PPM1L: variants seen among roughly 807,000 people sequenced by gnomAD.
PPM1L encodes protein phosphatase 1L.
A neutral mutation model predicts 31.4 loss-of-function variants in PPM1L; 13 were observed. That is an observed-to-expected ratio of 0.41 (90% CI 0.27 to 0.66). PPM1L has a LOEUF of 0.66. Ranked by LOEUF, PPM1L falls within the 30% of genes least tolerant of loss-of-function variation. PPM1L has a pLI of 0.29. For missense variants in PPM1L, 326 were observed against 453.7 expected (o/e 0.72, Z 2.56); for synonymous variants, 184 against 175.4 (o/e 1.05, Z -0.39).
intron 1 of PPM1L, among the ~76,000 whole-genome samples, chr3:160,822,953 CAT>C (rs1713246230): frequency 6.6e-6 from 1 of 151,666 alleles, no homozygotes; most frequent in Non-Finnish European, 1.5e-5. Context: ...AAGGGGAAAA[CAT>C]ATAAACAAAA....
At chr3:160,905,036 A>C (rs1185069342) in intron 1 of PPM1L, among the ~76,000 whole-genome samples, 1 of 152,196 alleles carries the variant, frequency 6.6e-6, no homozygotes, top group East Asian at 1.9e-4. Context: ...CAGAAAAATA[A>C]AGATCTGCTC....
At chr3:160,972,960 G>A (rs1716403828) in intron 2 of PPM1L, among the ~76,000 whole-genome samples, 1 of 152,124 alleles carries the variant, frequency 6.6e-6, no homozygotes, top group African/African-American at 2.4e-5. Context: ...GTGATGATGA[G>A]CATTTTTTCA....
chr3:160,767,836 T>G (rs1715144760), intron 1 of PPM1L, among the ~76,000 whole-genome samples: 1 of 152,210 alleles, frequency 6.6e-6, no homozygotes, highest in Non-Finnish European at 1.5e-5. Flanking sequence ...GGGCAGAAAC[T>G]GTTTTATTCT....
At chr3:160,835,116 T>G (rs1253472865) in intron 1 of PPM1L, among the ~76,000 whole-genome samples, 1 of 149,554 alleles carries the variant, frequency 6.7e-6, no homozygotes, top group Non-Finnish European at 1.5e-5. Context: ...TCTTCCTTCT[T>G]CTTTCTTCTT....
chr3:160,800,016 A>G (rs2108077506), intron 1 of PPM1L, among the ~76,000 whole-genome samples: 1 of 152,306 alleles, frequency 6.6e-6, no homozygotes, highest in Non-Finnish European at 1.5e-5. Context: ...TTGGTAGTCA[A>G]TAAACATTTG....
intron 1 of PPM1L, among the ~76,000 whole-genome samples, chr3:160,829,269 T>G (rs751306776): frequency 8.5e-5 from 13 of 152,066 alleles, no homozygotes; most frequent in Non-Finnish European, 1.3e-4. Context: ...TATGTCTGTT[T>G]CTGTGGTATA....
At chr3:160,780,040 A>G (rs546323164) in intron 1 of PPM1L, among the ~76,000 whole-genome samples, 284 of 148,408 alleles carry the variant, frequency 1.9e-3, no homozygotes, top group African/African-American at 6.4e-3. Flanking sequence ...TTTTTTTTTG[A>G]TACTGGGTCT....
chr3:161,038,595 A>C (rs995103748), intron 2 of PPM1L, among the ~76,000 whole-genome samples: 1 of 111,700 alleles, frequency 9.0e-6, no homozygotes, highest in Non-Finnish European at 1.7e-5. Flanking sequence ...TAAAAAAAAA[A>C]AAAAAAAAAA....
intron 1 of PPM1L, among the ~76,000 whole-genome samples, chr3:160,942,271 T>G (rs1395225661): frequency 6.6e-6 from 1 of 152,190 alleles, no homozygotes; most frequent in Admixed American, 6.5e-5. Flanking sequence ...CTTATTTTTA[T>G]TTTGTAGAGA....
intron 1 of PPM1L, among the ~76,000 whole-genome samples, chr3:160,810,912 A>G (rs1269055495): frequency 1.3e-5 from 2 of 152,206 alleles, no homozygotes; most frequent in Non-Finnish European, 2.9e-5. Flanking sequence ...TACAAGTGTC[A>G]TAAAATGAAC....
intron 1 of PPM1L, among the ~76,000 whole-genome samples, chr3:160,799,930 A>T (rs965011725): frequency 6.6e-6 from 1 of 152,276 alleles, no homozygotes; most frequent in East Asian, 1.9e-4. Context: ...CCTCCCTAGT[A>T]TGTAAGTCTC....
At chr3:160,857,764 C>T (rs150570824) in intron 1 of PPM1L, among the ~76,000 whole-genome samples, 10 of 152,270 alleles carry the variant, frequency 6.6e-5, no homozygotes, top group East Asian at 3.9e-4. Context: ...GCTATTGTAG[C>T]GGTAAGACAA....
In PPM1L at chr3:160,959,935, AT is replaced by A. The variant is rs1345866792; in HGVS notation, c.400-1800del. Among the ~76,000 whole-genome samples, 3 of 152,138 alleles carry A rather than the reference AT, an allele frequency of 2.0e-5. No homozygotes were observed. In the East Asian group the frequency reaches 5.8e-4, roughly 29 times the overall value. ...TGATAATGCTAAATACACTATATAT[AT>A]ATGTGTTGCTTAATTATGCTCATAT... is the stretch of plus-strand genomic sequence containing the variant. On this transcript the variant is annotated intron_variant, in intron 1 of 3. Coordinates refer to ENST00000498165, the MANE Select transcript of PPM1L (RefSeq NM_139245.4).
chr3:160,971,919 A>T (rs981945963), intron 2 of PPM1L, among the ~76,000 whole-genome samples: 2 of 152,032 alleles, frequency 1.3e-5, no homozygotes, highest in African/African-American at 4.8e-5. Context: ...TTACACCACC[A>T]TGGCTAATTG....
At chr3:160,801,684 GT>G (rs1296987768) in intron 1 of PPM1L, among the ~76,000 whole-genome samples, 1 of 152,120 alleles carries the variant, frequency 6.6e-6, no homozygotes, top group Non-Finnish European at 1.5e-5. Context: ...GACTTCTGCA[GT>G]TTTTTGTTTT....
At chr3:160,789,425 A>T (rs1244011299) in intron 1 of PPM1L, among the ~76,000 whole-genome samples, 7 of 151,656 alleles carry the variant, frequency 4.6e-5, no homozygotes, top group African/African-American at 1.7e-4. Flanking sequence ...TATCTCTCTT[A>T]TTATTTCTTT....
At chr3:160,993,250 A>T (rs2108045446) in intron 2 of PPM1L, among the ~76,000 whole-genome samples, 1 of 152,280 alleles carries the variant, frequency 6.6e-6, no homozygotes, top group East Asian at 1.9e-4. Flanking sequence ...TCTGCAGGGT[A>T]TGGCAGTCTG....
At chr3:160,830,779 A>T (rs1713503405) in intron 1 of PPM1L, among the ~76,000 whole-genome samples, 1 of 152,188 alleles carries the variant, frequency 6.6e-6, no homozygotes, top group African/African-American at 2.4e-5. Context: ...TTGCAATTTT[A>T]AGACTACTTT....
intron 1 of PPM1L, among the ~76,000 whole-genome samples, chr3:160,839,283 C>T (rs1395606497): frequency 6.6e-6 from 1 of 152,192 alleles, no homozygotes; most frequent in African/African-American, 2.4e-5. Flanking sequence ...GATTATATGA[C>T]GTAGTCATAA....
Sources: allele counts gnomAD v4.1 joint callset (sites outside exome capture counted in the v4.1 genomes callset), GRCh38; gene constraint gnomAD v4.1.1; transcripts MANE v1.5; gene names NCBI Gene and HGNC (gene_info 2026-07-23, HGNC 2026-07-21).